COL24A1: variants seen among roughly 807,000 people sequenced by gnomAD.
COL24A1 encodes collagen type XXIV alpha 1 chain, also known as collagen alpha-1(XXIV) chain.
A neutral mutation model predicts 253.9 loss-of-function variants in COL24A1; 224 were observed. The observed-to-expected ratio is 0.88, with a 90% CI of 0.79 to 0.99. The LOEUF (loss-of-function observed/expected upper bound fraction) is 0.99, where lower values mean the gene tolerates loss of function less well. COL24A1 is among the 50% of genes least tolerant of loss of function. The pLI is 0.00. For missense variants in COL24A1, 2,131 were observed against 2,068.5 expected (o/e 1.03, Z -0.59); for synonymous variants, 685 against 673.7 (o/e 1.02, Z -0.26).
intron 24 of COL24A1, among the ~76,000 whole-genome samples, chr1:85,927,387 G>A (rs1200333090): frequency 2.0e-4 from 30 of 149,604 alleles, no homozygotes; most frequent in Non-Finnish European, 3.7e-4. Flanking sequence ...CTTAAGAAAC[G>A]GCGCACCACG....
At chr1:85,850,083 A>C (rs572557502) in intron 37 of COL24A1, among the ~76,000 whole-genome samples, 1 of 152,180 alleles carries the variant, frequency 6.6e-6, no homozygotes, top group Non-Finnish European at 1.5e-5. Context: ...TAATATTTTC[A>C]TTTCAATTTG....
At chr1:85,925,532 A>C (rs1286229938) in intron 24 of COL24A1, among the ~76,000 whole-genome samples, 1 of 152,172 alleles carries the variant, frequency 6.6e-6, no homozygotes, top group African/African-American at 2.4e-5. Context: ...ATCTACAACT[A>C]TCTGATCTTT....
chr1:85,885,130 C>CT (rs1682324744), intron 32 of COL24A1, among the ~76,000 whole-genome samples: 1 of 152,036 alleles, frequency 6.6e-6, no homozygotes, highest in Non-Finnish European at 1.5e-5. Flanking sequence ...GTATGTCCAT[C>CT]TTTTTTTCTT....
At chr1:85,923,566 G>A (rs984536056) in intron 24 of COL24A1, among the ~76,000 whole-genome samples, 2 of 152,170 alleles carry the variant, frequency 1.3e-5, no homozygotes, top group African/African-American at 4.8e-5. Flanking sequence ...GCTCCTGAAT[G>A]ACTACTGGGC....
At chr1:85,881,140 A>G (rs1028728544) in intron 32 of COL24A1, among the ~76,000 whole-genome samples, 1 of 152,170 alleles carries the variant, frequency 6.6e-6, no homozygotes, top group Non-Finnish European at 1.5e-5. Flanking sequence ...GTTTAGTTGA[A>G]TTCACCAATG....
chr1:85,808,763 C>T (rs543909012), intron 47 of COL24A1, among the ~76,000 whole-genome samples: 11 of 152,144 alleles, frequency 7.2e-5, no homozygotes, highest in Non-Finnish European at 1.5e-5. Context: ...GTTGCACAGA[C>T]AAAAATAAAT....
intron 51 of COL24A1, 129 bp from the exon 52 acceptor site, chr1:85,781,402 A>G (rs567128881): frequency 3.5e-5 from 20 of 566,362 alleles, no homozygotes; most frequent in Middle Eastern, 3.3e-4. Flanking sequence ...AAAAGCTTAC[A>G]GTATTAGCAT....
intron 47 of COL24A1, among the ~76,000 whole-genome samples, chr1:85,808,817 G>A (rs1263197077): frequency 6.6e-6 from 1 of 152,190 alleles, no homozygotes; most frequent in Non-Finnish European, 1.5e-5. Flanking sequence ...TTGATGCAAG[G>A]CTGGCCCACA....
intron 55 of COL24A1, among the ~76,000 whole-genome samples, chr1:85,755,671 A>T (rs923432624): frequency 2.6e-5 from 4 of 152,176 alleles, no homozygotes; most frequent in Admixed American, 2.6e-4. Flanking sequence ...TGGAATATCC[A>T]CATGGGATAG....
chr1:85,794,655 G>C (rs758823699), intron 47 of COL24A1, among the ~76,000 whole-genome samples: 9 of 152,146 alleles, frequency 5.9e-5, no homozygotes, highest in Non-Finnish European at 1.3e-4. Context: ...TTGTTTGCAA[G>C]AGAAACAGAT....
intron 24 of COL24A1, among the ~76,000 whole-genome samples, chr1:85,927,565 T>G (rs1571258410): frequency 8.2e-6 from 1 of 121,728 alleles, no homozygotes; most frequent in Non-Finnish European, 1.7e-5. Context: ...AAGCTCGAAC[T>G]GGGTGGAGCC....
At position 85,783,515 on chromosome 1, in the gene COL24A1, T is replaced by G; in HGVS notation, c.4265A>C (p.Lys1422Thr). ...DAGIVGISGP[K>T]GPIGHRGNTG... ...ACTTACTCTGTGTCCAATAGGACCT[T>G]TAGGACCTGATATCCCAACAATGCC... is the stretch of plus-strand genomic sequence containing the variant. The change falls in exon 51 of 60, where the codon AAA (lysine) becomes ACA (threonine). Residue 1422 changes from lysine to threonine, a missense_variant. Lys to Thr is a moderately conservative substitution (Grantham distance 78). Transcript: ENST00000370571. 3 of 1,613,454 alleles carry G rather than the reference T, an allele frequency of 1.9e-6. No individual in the cohort carries two copies. The highest frequency in any genetic ancestry group is 2.5e-6 in the Non-Finnish European group (3 of 1,179,540).
At chr1:86,058,000 A>T (rs1353317256) in intron 9 of COL24A1, 25 bp from the exon 10 acceptor site, 1 of 1,600,570 alleles carries the variant, frequency 6.2e-7, no homozygotes, top group African/African-American at 1.3e-5. Flanking sequence ...AGACATTGTC[A>T]TCATACTACA....
chr1:86,063,960 T>TAAATAA (rs1701297949), intron 7 of COL24A1, among the ~76,000 whole-genome samples: 1 of 151,952 alleles, frequency 6.6e-6, no homozygotes, highest in Admixed American at 6.5e-5. Context: ...AAAAATTAAT[T>TAAATAA]CTTATTAATA....
At chr1:85,848,344 A>G (rs373195546) in intron 38 of COL24A1, among the ~76,000 whole-genome samples, 3 of 152,190 alleles carry the variant, frequency 2.0e-5, no homozygotes, top group East Asian at 1.9e-4. Context: ...AAGTCTCACT[A>G]TATCACCTAG....
chr1:85,730,707 C>G lies in COL24A1; in HGVS notation c.4999-15G>C. On this transcript the variant is annotated splice_polypyrimidine_tract_variant and intron_variant, in intron 59 of 59. Transcript: ENST00000370571. ...CCATCTTGAATCTGTAAAATAAGAA[C>G]AAAATGCTTTCATACGCATTTCATT... 1.9e-6 allele frequency: 3 copies of G among 1,613,084 alleles called. No homozygotes were observed. The highest frequency in any genetic ancestry group is 2.5e-6 in the Non-Finnish European group (3 of 1,179,484).
At chr1:86,005,391 T>C (rs923822857) in intron 19 of COL24A1, among the ~76,000 whole-genome samples, 1 of 150,676 alleles carries the variant, frequency 6.6e-6, no homozygotes, top group African/African-American at 2.4e-5. Context: ...AAGTCTCTGA[T>C]CACCATGCAA....
chr1:85,815,044 C>G (rs1672920867), intron 47 of COL24A1, among the ~76,000 whole-genome samples: 1 of 152,134 alleles, frequency 6.6e-6, no homozygotes, highest in Non-Finnish European at 1.5e-5. Flanking sequence ...GCCTTATAAA[C>G]TATTGGGTCC....
chr1:85,744,276 A>AT (rs1193523324), intron 57 of COL24A1, among the ~76,000 whole-genome samples: 1 of 152,156 alleles, frequency 6.6e-6, no homozygotes, highest in East Asian at 1.9e-4. Context: ...TCCATTTTGT[A>AT]TTAAAAAAAA....
Sources: allele counts gnomAD v4.1 joint callset (sites outside exome capture counted in the v4.1 genomes callset), GRCh38; gene constraint gnomAD v4.1.1; transcripts MANE v1.5; gene names NCBI Gene and HGNC (gene_info 2026-07-23, HGNC 2026-07-21).